Variants in MIDEAS observed in about 807,000 individuals in gnomAD.
MIDEAS encodes the protein mitotic deacetylase-associated SANT domain protein.
MIDEAS carries 26 observed loss-of-function variants against 102.7 expected under a neutral mutation model. The ratio of observed to expected loss-of-function variants is 0.25; its 90% CI spans 0.19 to 0.35. The LOEUF (loss-of-function observed/expected upper bound fraction) is 0.35, where lower values mean the gene tolerates loss of function less well. Among genes scored for constraint, MIDEAS ranks in the 10% least tolerant of loss-of-function variants. MIDEAS has a pLI of 1.00. For synonymous variants in MIDEAS, 585 were observed against 591.0 expected (o/e 0.99, Z 0.15); for missense variants, 1,231 against 1,435.6 (o/e 0.86, Z 2.30).
chr14:73,719,170 C>A, intron 12 of MIDEAS, 135 bp downstream of exon 12: 1 of 1,486,288 alleles, frequency 6.7e-7, no homozygotes, highest in Admixed American at 2.2e-5. Context: ...CGTCACAGCC[C>A]TAGAAACCCG....
chr14:73,756,591 G>A (rs2053487235), intron 1 of MIDEAS, among the ~76,000 whole-genome samples: 1 of 152,190 alleles, frequency 6.6e-6, no homozygotes, highest in Non-Finnish European at 1.5e-5. Flanking sequence ...TCTGCTTCCT[G>A]CCACCTGCAG....
Position 73,759,458 on chromosome 14 carries a change from C to T in MIDEAS, c.-248+305G>A, listed in dbSNP as rs2053530402. Among the ~76,000 whole-genome samples, 1 of 151,396 alleles carries T rather than the reference C, an allele frequency of 6.6e-6. No homozygotes were observed. ...CGCCCGGGTGGGCGGGGGCCGCGCG[C>T]AAGCTGCGTAGCTGCACAAACACCG... is the stretch of plus-strand genomic sequence containing the variant. On this transcript the variant is annotated intron_variant, in intron 1 of 12. Transcript: ENST00000423556. This position sits in a 1 kb window ranked among gnomAD's most constrained non-coding sequence, Gnocchi z 6.7.
Position 73,739,817 on chromosome 14 carries a change from C to T in MIDEAS, c.192G>A (p.Leu64=). 1 of 1,612,218 alleles carries T rather than the reference C, an allele frequency of 6.2e-7. No homozygotes were observed. The highest frequency in any genetic ancestry group is 1.1e-5 in the South Asian group (1 of 90,948). The change falls in exon 2 of 13, where the codon CTG becomes CTA. Residue 64 remains leucine (L), a synonymous_variant. Coordinates refer to ENST00000423556, the MANE Select transcript of MIDEAS (RefSeq NM_001367710.1). ...GAVSTSQPVE[L]PPPSSLALLN... ...GCAGGGCCAGGCTGCTAGGAGGGGG[C>T]AGTTCCACAGGCTGAGAGGTGGAGA...
chr14:73,740,088 G>A lies in MIDEAS; in HGVS notation c.-80C>T, dbSNP rs979408070. 14 of 1,409,744 alleles carry A rather than the reference G, an allele frequency of 9.9e-6. No individual in the cohort carries two copies. Among genetic ancestry groups the A allele is most frequent in the East Asian group, 7.6e-5 (3 of 39,446 alleles). The allele number at this position is 1,409,744 out of a possible 1,614,324, so 87.3% of individuals were successfully genotyped here. ...CTGGGGAAACGTCCTGCTGGAAGCC[G>A]GGCTCTAGTCCAGGAGCCAGGGAGG... is the stretch of plus-strand genomic sequence containing the variant. On this transcript the variant is annotated 5_prime_UTR_variant, in exon 2 of 13. Coordinates refer to ENST00000423556, the MANE Select transcript of MIDEAS (RefSeq NM_001367710.1).
At chr14:73,721,621 G>C (rs1223088818) in intron 10 of MIDEAS, 112 bp from the exon 11 acceptor site, 6 of 927,956 alleles carry the variant, frequency 6.5e-6, no homozygotes, top group African/African-American at 1.6e-5. Flanking sequence ...TGCTCGCCTG[G>C]CTGGCCCAGC....
At chr14:73,774,567 G>A (rs887428445) in intron 1 of MIDEAS, among the ~76,000 whole-genome samples, 2 of 151,932 alleles carry the variant, frequency 1.3e-5, no homozygotes, top group Non-Finnish European at 2.9e-5. Flanking sequence ...CCAGTAGGAA[G>A]AGATGCTTCT....
intron 1 of MIDEAS, among the ~76,000 whole-genome samples, chr14:73,767,777 T>A (rs1371904237): frequency 1.3e-5 from 2 of 152,230 alleles, no homozygotes; most frequent in Admixed American, 6.5e-5. Context: ...CTGGGAGTCA[T>A]GAGAGAAAAG....
At chr14:73,746,378 A>G (rs952394310) in intron 1 of MIDEAS, among the ~76,000 whole-genome samples, 1 of 152,196 alleles carries the variant, frequency 6.6e-6, no homozygotes. Flanking sequence ...CCTCCTAGGC[A>G]AAGGCCACGA....
intron 7 of MIDEAS, 139 bp downstream of exon 7, chr14:73,726,465 C>G: frequency 2.5e-6 from 2 of 806,812 alleles, no homozygotes. Flanking sequence ...TGGGTCAAGC[C>G]CCTACAGCCC....
At chr14:73,750,185 TG>T (rs879541185) in intron 1 of MIDEAS, among the ~76,000 whole-genome samples, 2 of 152,188 alleles carry the variant, frequency 1.3e-5, no homozygotes, top group East Asian at 3.8e-4. Context: ...AGGAGTCTTA[TG>T]TCCTCATTCT....
rs1202589861 is a variant in MIDEAS at position 73,715,466 on chromosome 14, C to T, written c.*3377G>A. 1 of 152,532 alleles carries T rather than the reference C, an allele frequency of 6.6e-6. No individual in the cohort carries two copies. The highest frequency in any genetic ancestry group is 1.5e-5 in the Non-Finnish European group (1 of 68,020). 9.4% of individuals were successfully genotyped at this position (152,532 alleles called of 1,614,324 possible). A position where few individuals can be genotyped will look rare whatever the true frequency, so the allele number is the denominator to read the frequency against. ...TATTAAAATATCTGTACAATAATTA[C>T]AGACTGTCAAGGCTGTTCCTGTGCT... On this transcript the variant is annotated 3_prime_UTR_variant, in exon 13 of 13. Coordinates refer to ENST00000423556, the MANE Select transcript of MIDEAS (RefSeq NM_001367710.1).
upstream of MIDEAS, among the ~76,000 whole-genome samples, chr14:73,762,718 G>A (rs2053564053): frequency 1.3e-5 from 2 of 152,192 alleles, no homozygotes; most frequent in Non-Finnish European, 2.9e-5. Flanking sequence ...AGTCTCTGGG[G>A]CAACCAAGAA....
In MIDEAS at chr14:73,729,637, C is replaced by G. The variant is rs1004625882; in HGVS notation, c.2095+3G>C. The G allele has an allele frequency of 6.3e-7, 1 of 1,598,218 alleles. No homozygotes were observed. The highest frequency in any genetic ancestry group is 8.5e-7 in the Non-Finnish European group (1 of 1,169,698). The stretch of plus-strand genomic sequence containing the variant: ...GCCAGGGTCGCGGAGGGAGGTCACT[C>G]ACTAGTCCGGAGCAGCGTGCGATGG... On this transcript the variant is annotated splice_donor_region_variant and intron_variant, in intron 4 of 12. Coordinates refer to ENST00000423556, the MANE Select transcript of MIDEAS (RefSeq NM_001367710.1).
intron 12 of MIDEAS, 107 bp from the exon 13 acceptor site, chr14:73,719,115 C>T: frequency 6.9e-7 from 1 of 1,459,812 alleles, no homozygotes; most frequent in Non-Finnish European, 9.0e-7. Context: ...CGCTGCACAG[C>T]CGCGGCCGGC....
intron 1 of MIDEAS, among the ~76,000 whole-genome samples, chr14:73,746,219 A>C (rs1056527652): frequency 2.6e-5 from 4 of 152,256 alleles, no homozygotes; most frequent in African/African-American, 7.2e-5. Context: ...CAGGGTGTCC[A>C]TGGGAAGCTG....
chr14:73,729,523 G>A, intron 4 of MIDEAS, 117 bp downstream of exon 4: 2 of 844,424 alleles, frequency 2.4e-6, no homozygotes, highest in Non-Finnish European at 3.6e-6. Flanking sequence ...AGACAGAGCA[G>A]AGCTCCTTCT....
intron 10 of MIDEAS, 61 bp downstream of exon 10, chr14:73,722,637 C>A: frequency 1.3e-6 from 2 of 1,588,166 alleles, no homozygotes; most frequent in South Asian, 1.1e-5. Context: ...GGGCTCCCAG[C>A]TCAGGCCTGG....
At chr14:73,763,782 G>C (rs553877055), upstream of MIDEAS, among the ~76,000 whole-genome samples, 4 of 152,172 alleles carry the variant, frequency 2.6e-5, no homozygotes, top group East Asian at 5.8e-4. Flanking sequence ...AAAAAAAGAA[G>C]GGTGTAGAAA....
chr14:73,725,141 TTCTC>T lies in MIDEAS; in HGVS notation c.2574+127_2574+130del, dbSNP rs1040050110. 2.8e-6 allele frequency: 2 copies of T among 704,230 alleles called. No individual in the cohort carries two copies. The highest frequency in any genetic ancestry group is 3.5e-5 in the African/African-American group (2 of 56,390). 43.6% of individuals were successfully genotyped at this position (704,230 alleles called of 1,614,324 possible). On this transcript the variant is annotated intron_variant, in intron 9 of 12. Transcript: ENST00000423556. The surrounding 1 kb of genome is among the most constrained non-coding windows in gnomAD (Gnocchi z 4.1). ...TCTCTTTCTTGTATTGTTTAGGAAA[TTCTC>T]TCTGAGGCTACTCAGTAGCATTGAC...
Sources: gnomAD v4.1 joint callset for allele counts (sites outside exome capture counted in the v4.1 genomes callset) on GRCh38, gnomAD v4.1.1 for gene constraint, Gnocchi (gnomAD v3.1) non-coding constraint, MANE v1.5 for transcripts, NCBI Gene and HGNC (gene_info 2026-07-23, HGNC 2026-07-21) for gene names.